Variants in UBE2D2 observed in about 807,000 individuals in gnomAD.
The protein encoded by UBE2D2 is ubiquitin-conjugating enzyme E2 D2.
UBE2D2 carries 2 observed loss-of-function variants against 24.2 expected under a neutral mutation model. The ratio of observed to expected loss-of-function variants is 0.08; its 90% CI spans 0.03 to 0.26. The LOEUF (loss-of-function observed/expected upper bound fraction) is 0.26. UBE2D2 is among the 10% of genes least tolerant of loss of function. UBE2D2 has a pLI of 1.00. For missense variants in UBE2D2, 44 were observed against 177.6 expected, an observed-to-expected ratio of 0.25 and a Z score of 4.28; for synonymous variants, 58 against 56.5, an observed-to-expected ratio of 1.03 and a Z score of -0.12.
At chr5:139,531,230 A>T (rs1752593155) in intron 1 of UBE2D2, among the ~76,000 whole-genome samples, 1 of 152,230 alleles carries the variant, frequency 6.6e-6, no homozygotes, top group South Asian at 2.1e-4. Flanking sequence ...GCCTGGCCTA[A>T]ACCCAGTAGT....
intron 2 of UBE2D2, among the ~76,000 whole-genome samples, chr5:139,614,120 C>A (rs1274994342): frequency 6.6e-6 from 1 of 151,914 alleles, no homozygotes; most frequent in Non-Finnish European, 1.5e-5. Flanking sequence ...ATGATTTACC[C>A]TGTGAGGTAA....
intron 1 of UBE2D2, among the ~76,000 whole-genome samples, chr5:139,535,718 G>A (rs372694785): frequency 1.3e-5 from 2 of 152,186 alleles, no homozygotes; most frequent in East Asian, 1.9e-4. Context: ...AGGTTTCCAT[G>A]TATTGACACA....
intron 6 of UBE2D2, 68 bp downstream of exon 6, chr5:139,623,529 G>C (rs1386888135): frequency 7.5e-7 from 1 of 1,332,394 alleles, no homozygotes; most frequent in Non-Finnish European, 1.1e-6. Context: ...AATCTTTCTT[G>C]TTTAAGGGCT....
chr5:139,626,686 A>G, intron 6 of UBE2D2, 70 bp from the exon 7 acceptor site: 1 of 1,291,906 alleles, frequency 7.7e-7, no homozygotes. Context: ...ACTTGATGGG[A>G]TAATGAATGG....
intron 1 of UBE2D2, among the ~76,000 whole-genome samples, chr5:139,583,872 A>G (rs1400519048): frequency 6.6e-6 from 1 of 152,258 alleles, no homozygotes; most frequent in African/African-American, 2.4e-5. Context: ...ATTTTGGTCA[A>G]TGACAGATGA....
chr5:139,615,980 C>T (rs1413712846), intron 5 of UBE2D2, among the ~76,000 whole-genome samples: 1 of 150,750 alleles, frequency 6.6e-6, no homozygotes, highest in Non-Finnish European at 1.5e-5. Flanking sequence ...GGATTACAGG[C>T]ACCCGCCACC....
At position 139,555,952 on chromosome 5, in the gene UBE2D2, A is replaced by G. The variant is rs530077425; in HGVS notation, c.-64+29340A>G. Among the ~76,000 whole-genome samples the G allele has an allele frequency of 5.8e-3, 868 of 148,644 alleles. 5 individuals carry two copies. The highest frequency in any genetic ancestry group is 0.021 in the African/African-American group (834 of 40,318). On this transcript the variant is annotated intron_variant, in intron 1 of 6. Coordinates refer to the UBE2D2 transcript ENST00000511725. ...AAAAAAAAAAAAAAAAAAAAAAAAA[A>G]AAGGCCAGGCACGGTGGCTCACACC...
At chr5:139,625,309 C>T (rs190477975) in intron 6 of UBE2D2, among the ~76,000 whole-genome samples, 1,411 of 119,500 alleles carry the variant, frequency 0.012, 15 homozygotes, top group Non-Finnish European at 0.019. Context: ...GAGACAGGAT[C>T]TCACTATGTT....
At chr5:139,587,050 G>A (rs1028464592) in intron 1 of UBE2D2, among the ~76,000 whole-genome samples, 1 of 152,240 alleles carries the variant, frequency 6.6e-6, no homozygotes, top group African/African-American at 2.4e-5. Flanking sequence ...GGCAAGCCTC[G>A]TGTTCTCTGA....
chr5:139,577,352 G>C (rs182084393), intron 1 of UBE2D2, among the ~76,000 whole-genome samples: 42 of 149,324 alleles, frequency 2.8e-4, no homozygotes, highest in Non-Finnish European at 3.4e-4. Flanking sequence ...TCTTTTGGGT[G>C]ATCATAGTTT....
At chr5:139,615,875 G>A (rs1481657611) in intron 5 of UBE2D2, among the ~76,000 whole-genome samples, 5 of 123,464 alleles carry the variant, frequency 4.0e-5, no homozygotes, top group South Asian at 2.5e-4. Context: ...TCACTCTGTC[G>A]CCCAGGCTAG....
At chr5:139,576,981 T>C (rs1375362721) in intron 1 of UBE2D2, among the ~76,000 whole-genome samples, 1 of 150,950 alleles carries the variant, frequency 6.6e-6, no homozygotes, top group East Asian at 1.9e-4. Context: ...TTTTTTTTTT[T>C]TTTGCTCTTA....
chr5:139,607,513 G>C (rs1754224982), intron 2 of UBE2D2, among the ~76,000 whole-genome samples: 2 of 151,996 alleles, frequency 1.3e-5, no homozygotes, highest in Admixed American at 6.6e-5. Flanking sequence ...TTTGATGATG[G>C]AATTTGACCT....
chr5:139,554,983 C>G (rs894629414), intron 1 of UBE2D2: 7 of 152,000 alleles, frequency 4.6e-5, no homozygotes, highest in African/African-American at 1.7e-4. Context: ...TTGTAAACAT[C>G]ACATCATTCA....
At chr5:139,546,986 C>T (rs141114906) in intron 1 of UBE2D2, among the ~76,000 whole-genome samples, 30 of 151,428 alleles carry the variant, frequency 2.0e-4, no homozygotes, top group Non-Finnish European at 3.5e-4. Flanking sequence ...CTCCTTCTCC[C>T]GGCTTCAAGA....
At chr5:139,541,634 G>A (rs1439807723) in intron 1 of UBE2D2, among the ~76,000 whole-genome samples, 1 of 150,690 alleles carries the variant, frequency 6.6e-6, no homozygotes, top group East Asian at 1.9e-4. Flanking sequence ...TACACATAGG[G>A]CTCAATGCTG....
At chr5:139,582,917 G>A (rs998749940) in intron 1 of UBE2D2, among the ~76,000 whole-genome samples, 1 of 150,614 alleles carries the variant, frequency 6.6e-6, no homozygotes, top group East Asian at 2.0e-4. Flanking sequence ...TGATCTGCCC[G>A]CCTCGGCCTC....
chr5:139,573,465 A>G (rs1478450056), intron 1 of UBE2D2, among the ~76,000 whole-genome samples: 1 of 152,162 alleles, frequency 6.6e-6, no homozygotes, highest in Non-Finnish European at 1.5e-5. Flanking sequence ...GCAGTATAAT[A>G]TGAAAATTTG....
chr5:139,625,017 A>G (rs1286112919), intron 6 of UBE2D2, among the ~76,000 whole-genome samples: 2 of 152,038 alleles, frequency 1.3e-5, no homozygotes, highest in Non-Finnish European at 2.9e-5. Context: ...ACACTGTTGA[A>G]CAGAACTTTC....
Sources: gnomAD v4.1 joint callset for allele counts (sites outside exome capture counted in the v4.1 genomes callset) on GRCh38, gnomAD v4.1.1 for gene constraint, MANE v1.5 for transcripts, NCBI Gene and HGNC (gene_info 2026-07-23, HGNC 2026-07-21) for gene names.